Variants in CTIF observed in about 807,000 individuals in gnomAD.
The protein encoded by CTIF is cap binding complex dependent translation initiation factor, also known as CBP80/20-dependent translation initiation factor.
Under a neutral mutation model 66.0 loss-of-function variants are expected in CTIF, and 21 were observed. That is an observed-to-expected ratio of 0.32 (90% CI 0.23 to 0.46). The LOEUF (loss-of-function observed/expected upper bound fraction) is 0.46, where lower values mean the gene tolerates loss of function less well. Ranked by LOEUF, CTIF falls within the 20% of genes least tolerant of loss-of-function variation. The pLI, the probability that CTIF is intolerant of heterozygous loss-of-function variation, is 1.00. For synonymous variants in CTIF, 345 were observed against 326.4 expected, an observed-to-expected ratio of 1.06 and a Z score of -0.62; for missense variants, 739 against 812.7, an observed-to-expected ratio of 0.91 and a Z score of 1.10.
Position 48,761,744 on chromosome 18 carries a change from G to T in CTIF, c.1371+55G>T. 1 of 1,528,648 alleles carries T rather than the reference G, an allele frequency of 6.5e-7. No homozygotes were observed. The allele number at this position is 1,528,648 out of a possible 1,614,324, so 94.7% of individuals were successfully genotyped here. A position where few individuals can be genotyped will look rare whatever the true frequency, so the allele number is the denominator to read the frequency against. On this transcript the variant is annotated intron_variant, in intron 9 of 11. Transcript: ENST00000256413. This position sits in a 1 kb window ranked among gnomAD's most constrained non-coding sequence, Gnocchi z 4.2. ...CGCCCCCTGCCCCTCTGCGTTCGGT[G>T]AGTTATTCCTAGCGAGAAGGCTGCG...
At chr18:48,595,372 T>C (rs1456285030) in intron 1 of CTIF, among the ~76,000 whole-genome samples, 1 of 152,188 alleles carries the variant, frequency 6.6e-6, no homozygotes, top group South Asian at 2.1e-4. Flanking sequence ...TGTAATAAAT[T>C]ACCCCTCAAA....
At chr18:48,554,098 C>T (rs1005855306) in intron 1 of CTIF, among the ~76,000 whole-genome samples, 4 of 152,204 alleles carry the variant, frequency 2.6e-5, no homozygotes, top group African/African-American at 2.4e-5. Flanking sequence ...GGTGGAGTGG[C>T]TGTCCGCCAG....
At chr18:48,751,089 G>A (rs761610598) in intron 7 of CTIF, among the ~76,000 whole-genome samples, 2 of 152,206 alleles carry the variant, frequency 1.3e-5, no homozygotes, top group Non-Finnish European at 2.9e-5. Context: ...CTGGCTTACT[G>A]TAACTGCTTC....
At chr18:48,704,061 G>A (rs2092119261) in intron 6 of CTIF, among the ~76,000 whole-genome samples, 1 of 152,184 alleles carries the variant, frequency 6.6e-6, no homozygotes, top group Non-Finnish European at 1.5e-5. Flanking sequence ...ACTTGCTCTT[G>A]TCCACTCCCT....
At chr18:48,800,862 A>G (rs1452164856) in intron 9 of CTIF, among the ~76,000 whole-genome samples, 1 of 152,184 alleles carries the variant, frequency 6.6e-6, no homozygotes, top group Non-Finnish European at 1.5e-5. Flanking sequence ...ATTTTCATGT[A>G]TTTTTAGCAG....
intron 3 of CTIF, among the ~76,000 whole-genome samples, chr18:48,646,876 A>T (rs988183428): frequency 7.8e-6 from 1 of 127,640 alleles, no homozygotes; most frequent in Non-Finnish European, 1.6e-5. Context: ...TGGTATAGCC[A>T]TTCTGGAAAA....
chr18:48,801,069 G>A (rs2068039497), intron 9 of CTIF, among the ~76,000 whole-genome samples: 1 of 152,134 alleles, frequency 6.6e-6, no homozygotes, highest in Non-Finnish European at 1.5e-5. Flanking sequence ...ATCTCAGAAC[G>A]AATGGAGAAG....
chr18:48,719,927 G>C (rs1194131401), intron 7 of CTIF, among the ~76,000 whole-genome samples: 1 of 152,180 alleles, frequency 6.6e-6, no homozygotes, highest in Admixed American at 6.5e-5. Context: ...TGAGTTCAAT[G>C]TTAATAAATC....
chr18:48,827,380 G>A (rs1373697839), intron 10 of CTIF, among the ~76,000 whole-genome samples: 23 of 152,196 alleles, frequency 1.5e-4, no homozygotes, highest in South Asian at 1.0e-3. Flanking sequence ...CCGGAGGAGT[G>A]CAGTGCTCCA....
intron 7 of CTIF, among the ~76,000 whole-genome samples, chr18:48,739,550 T>G (rs2145732280): frequency 6.6e-6 from 1 of 152,288 alleles, no homozygotes; most frequent in South Asian, 2.1e-4. Context: ...CTCTTCCCAG[T>G]CACTTCATCT....
chr18:48,810,116 T>C (rs2068229038), intron 9 of CTIF, among the ~76,000 whole-genome samples: 2 of 152,106 alleles, frequency 1.3e-5, no homozygotes, highest in Admixed American at 1.3e-4. Context: ...CATAGGTAGG[T>C]AATATTTTTA....
In CTIF at chr18:48,651,064, G is replaced by C. The variant is rs534348782; in HGVS notation, c.253-12688G>C. 6.6e-5 allele frequency among the ~76,000 whole-genome samples: 10 copies of C among 152,258 alleles called. No homozygotes were observed. The South Asian group carries it at 2.1e-3, about 32-fold the overall frequency. On this transcript the variant is annotated intron_variant, in intron 3 of 11. Transcript: ENST00000256413. ...CATGCCAAATTCTAAAGACCATCGA[G>C]GCTAGGAAGAAACTGCATCAATTAA...
chr18:48,601,683 C>T (rs780279047), intron 1 of CTIF, among the ~76,000 whole-genome samples: 2 of 152,368 alleles, frequency 1.3e-5, no homozygotes, highest in Middle Eastern at 6.8e-3. Context: ...GCCCCCATCA[C>T]CCACCCTCAC....
chr18:48,712,315 G>A (rs796178801), intron 7 of CTIF, among the ~76,000 whole-genome samples: 92 of 152,336 alleles, frequency 6.0e-4, no homozygotes, highest in African/African-American at 2.1e-3. Flanking sequence ...GGGCAATGAG[G>A]TAGCCCTGGA....
chr18:48,593,625 G>A (rs189717974), intron 1 of CTIF, among the ~76,000 whole-genome samples: 2,484 of 151,772 alleles, frequency 0.016, 69 homozygotes, highest in African/African-American at 0.057. Flanking sequence ...CTCGTGATCC[G>A]CCCGCCTCAG....
chr18:48,557,161 G>A (rs962961712), intron 1 of CTIF, among the ~76,000 whole-genome samples: 1 of 152,096 alleles, frequency 6.6e-6, no homozygotes, highest in African/African-American at 2.4e-5. Context: ...TGGGGGTAGG[G>A]ACAGGAGGAT....
chr18:48,838,402 G>T (rs1402931564), intron 10 of CTIF, among the ~76,000 whole-genome samples: 1 of 152,114 alleles, frequency 6.6e-6, no homozygotes, highest in East Asian at 1.9e-4. Context: ...TGAGCCTCTC[G>T]GTGCAGTGGC....
At chr18:48,744,016 G>A (rs2092575640) in intron 7 of CTIF, among the ~76,000 whole-genome samples, 1 of 152,202 alleles carries the variant, frequency 6.6e-6, no homozygotes, top group Non-Finnish European at 1.5e-5. Context: ...CGTACTTTGA[G>A]AAATTTGACC....
intron 7 of CTIF, among the ~76,000 whole-genome samples, chr18:48,723,177 G>T (rs760869361): frequency 1.3e-5 from 2 of 152,062 alleles, no homozygotes; most frequent in African/African-American, 4.8e-5. Context: ...CTCAGCTTCC[G>T]TCTGCTGGGC....
Sources: allele counts gnomAD v4.1 joint callset (sites outside exome capture counted in the v4.1 genomes callset), GRCh38; gene constraint gnomAD v4.1.1; non-coding constraint Gnocchi (gnomAD v3.1); transcripts MANE v1.5; gene names NCBI Gene and HGNC (gene_info 2026-07-23, HGNC 2026-07-21).